RFX4: variants seen among roughly 807,000 people sequenced by gnomAD.
RFX4 encodes regulatory factor X4, also known as transcription factor RFX4.
In RFX4, 10 loss-of-function variants were observed where a neutral mutation model predicts 95.0. That is an observed-to-expected ratio of 0.11 (90% CI 0.06 to 0.18). RFX4 has a LOEUF of 0.18. Ranked by LOEUF, RFX4 falls within the 10% of genes least tolerant of loss-of-function variation. RFX4 has a pLI of 1.00. For missense variants in RFX4, 640 were observed against 922.0 expected, an observed-to-expected ratio of 0.69 and a Z score of 3.96; for synonymous variants, 321 against 340.7, an observed-to-expected ratio of 0.94 and a Z score of 0.64.
chr12:106,660,542 G>T (rs2041050472), intron 4 of RFX4, among the ~76,000 whole-genome samples: 1 of 152,078 alleles, frequency 6.6e-6, no homozygotes, highest in Non-Finnish European at 1.5e-5. Flanking sequence ...TGGCCAACAA[G>T]CTAAGCCTTT....
At chr12:106,624,332 A>G (rs1019187733) in intron 2 of RFX4, among the ~76,000 whole-genome samples, 3 of 151,754 alleles carry the variant, frequency 2.0e-5, no homozygotes, top group African/African-American at 7.3e-5. Flanking sequence ...TATTTTATTT[A>G]TTTTATTTTT....
intron 3 of RFX4, among the ~76,000 whole-genome samples, chr12:106,653,392 C>G (rs2040892248): frequency 6.6e-6 from 1 of 152,162 alleles, no homozygotes; most frequent in South Asian, 2.1e-4. Context: ...TGCCAGGCAC[C>G]ATGCGGATGC....
chr12:106,741,802 G>T (rs1208974341), intron 15 of RFX4, among the ~76,000 whole-genome samples: 1 of 152,196 alleles, frequency 6.6e-6, no homozygotes, highest in Non-Finnish European at 1.5e-5. Context: ...GACTGGGGAA[G>T]AGGTGGGGGG....
intron 2 of RFX4, among the ~76,000 whole-genome samples, chr12:106,618,534 T>C (rs944104227): frequency 6.6e-6 from 1 of 152,102 alleles, no homozygotes; most frequent in Admixed American, 6.5e-5. Context: ...ATTTTTGCTT[T>C]AAAGTCTATT....
intron 5 of RFX4, chr12:106,684,833 G>A: frequency 1.3e-6 from 2 of 1,569,918 alleles, no homozygotes; most frequent in Non-Finnish European, 1.7e-6. Context: ...GCTGCCTTCG[G>A]AGGGTCTGAA....
At chr12:106,674,945 G>C (rs1284816494) in intron 4 of RFX4, among the ~76,000 whole-genome samples, 1 of 152,200 alleles carries the variant, frequency 6.6e-6, no homozygotes, top group African/African-American at 2.4e-5. Context: ...GATCCAGTTT[G>C]TGTGGAGTCT....
At chr12:106,709,494 T>A in intron 9 of RFX4, 64 bp downstream of exon 9, 3 of 1,291,994 alleles carry the variant, frequency 2.3e-6, no homozygotes, top group East Asian at 2.4e-5. Context: ...ATATTTTACA[T>A]AAGTTGTTAA....
At chr12:106,688,606 G>A (rs866499952) in intron 6 of RFX4, among the ~76,000 whole-genome samples, 12 of 152,118 alleles carry the variant, frequency 7.9e-5, no homozygotes, top group Middle Eastern at 3.4e-3. Context: ...TATCTGTAAA[G>A]GATACATTAA....
chr12:106,634,821 T>C, intron 2 of RFX4, among the ~76,000 whole-genome samples: 1 of 152,308 alleles, frequency 6.6e-6, no homozygotes, highest in Admixed American at 6.5e-5. Context: ...TGACAAGCTC[T>C]GCTTTTTCAT....
At chr12:106,728,818 A>T (rs2042555080) in intron 13 of RFX4, among the ~76,000 whole-genome samples, 1 of 152,228 alleles carries the variant, frequency 6.6e-6, no homozygotes, top group African/African-American at 2.4e-5. Flanking sequence ...GCTTCTGTGG[A>T]GTCTGAGACT....
At chr12:106,601,223 C>A in intron 1 of RFX4, 1 of 1,548,922 alleles carries the variant, frequency 6.5e-7, no homozygotes, top group South Asian at 1.2e-5. Context: ...TCCTGTGTGT[C>A]GCCACTGCCA....
chr12:106,600,272 C>T (rs949076144), intron 1 of RFX4, among the ~76,000 whole-genome samples: 3 of 152,174 alleles, frequency 2.0e-5, no homozygotes, highest in Admixed American at 6.5e-5. Flanking sequence ...TTCCTTCTGC[C>T]AGGAACACGC....
chr12:106,665,259 C>A (rs901346976), intron 4 of RFX4, among the ~76,000 whole-genome samples: 1 of 151,836 alleles, frequency 6.6e-6, no homozygotes, highest in Non-Finnish European at 1.5e-5. Flanking sequence ...TCCTTGATAA[C>A]TTTCTTTGCT....
chr12:106,627,420 A>G (rs974339951), intron 2 of RFX4, among the ~76,000 whole-genome samples: 7 of 152,160 alleles, frequency 4.6e-5, no homozygotes, highest in Non-Finnish European at 8.8e-5. Context: ...CTGTAATCCC[A>G]GCTACTTGGG....
chr12:106,583,672 G>C (rs960391305), intron 1 of RFX4: 34 of 261,976 alleles, frequency 1.3e-4, no homozygotes, highest in Admixed American at 5.5e-4. Flanking sequence ...CGGCGAGCTC[G>C]AGGTGCCACT....
At chr12:106,655,912 A>G (rs1375609983) in intron 4 of RFX4, among the ~76,000 whole-genome samples, 1 of 152,248 alleles carries the variant, frequency 6.6e-6, no homozygotes, top group Non-Finnish European at 1.5e-5. Flanking sequence ...ATGTCTGTGC[A>G]TGGACATAAA....
At chr12:106,623,689 T>C (rs116544814) in intron 2 of RFX4, among the ~76,000 whole-genome samples, 1,702 of 152,108 alleles carry the variant, frequency 0.011, 34 homozygotes, top group African/African-American at 0.04. Context: ...GCAGGCTGAG[T>C]TGGAAGGAAT....
intron 4 of RFX4, among the ~76,000 whole-genome samples, chr12:106,667,315 T>A (rs1283587861): frequency 1.3e-5 from 2 of 152,200 alleles, no homozygotes; most frequent in Non-Finnish European, 2.9e-5. Context: ...TAGGCTCTGA[T>A]AATACCCCAG....
chr12:106,724,712 A>C (rs951868618), intron 13 of RFX4, among the ~76,000 whole-genome samples: 1 of 152,074 alleles, frequency 6.6e-6, no homozygotes, highest in Non-Finnish European at 1.5e-5. Context: ...AAAAAACAAC[A>C]ACAAAAAACT....
Sources: allele counts gnomAD v4.1 joint callset (sites outside exome capture counted in the v4.1 genomes callset), GRCh38; gene constraint gnomAD v4.1.1; transcripts MANE v1.5; gene names NCBI Gene and HGNC (gene_info 2026-07-23, HGNC 2026-07-21).